OGFRL1: variants seen among roughly 807,000 people sequenced by gnomAD.
OGFRL1 encodes opioid growth factor receptor like 1.
OGFRL1 carries 26 observed loss-of-function variants against 32.4 expected under a neutral mutation model. The observed-to-expected ratio is 0.80, with a 90% CI of 0.59 to 1.11. The LOEUF (loss-of-function observed/expected upper bound fraction) is 1.11. OGFRL1 is among the 50% of genes most tolerant of loss of function. OGFRL1 has a pLI of 0.00. For missense variants in OGFRL1, 521 were observed against 546.4 expected, an observed-to-expected ratio of 0.95 and a Z score of 0.46; for synonymous variants, 211 against 201.2, an observed-to-expected ratio of 1.05 and a Z score of -0.41.
chr6:71,297,995 T>A (rs1007642005), intron 6 of OGFRL1, among the ~76,000 whole-genome samples: 1 of 125,334 alleles, frequency 8.0e-6, no homozygotes, highest in Non-Finnish European at 1.6e-5. Context: ...GATGTTCCCC[T>A]TCCTGTGTCC....
rs967567449 is a variant in OGFRL1 at position 71,303,949 on chromosome 6, G to A, written c.*1900G>A. The A allele has an allele frequency of 1.3e-5, 2 of 152,014 alleles. No individual in the cohort carries two copies. The highest frequency in any genetic ancestry group is 4.8e-5 in the African/African-American group (2 of 41,410). 9.4% of individuals were successfully genotyped at this position (152,014 alleles called of 1,614,324 possible). A position where few individuals can be genotyped will look rare whatever the true frequency, so the allele number is the denominator to read the frequency against. ...TAGAAAGGAATTAACTTTTTTGTTA[G>A]GCTTTTAAGAAAAGTTCTATTCATT... On this transcript the variant is annotated 3_prime_UTR_variant, in exon 7 of 7. Transcript: ENST00000370435.
In OGFRL1 at chr6:71,306,237, A is replaced by C. The variant is rs1766547635; in HGVS notation, c.*4188A>C. ...GAAAAATGGCCTGGGTCAATGTAGG[A>C]TCTAGAAAATTAGGAGTGTACATTT... On this transcript the variant is annotated 3_prime_UTR_variant, in exon 7 of 7. Transcript: ENST00000370435. 1 of 152,164 alleles carries C rather than the reference A, an allele frequency of 6.6e-6. No individual in the cohort carries two copies. The highest frequency in any genetic ancestry group is 6.5e-5 in the Admixed American group (1 of 15,270). 9.4% of individuals were successfully genotyped at this position (152,164 alleles called of 1,614,324 possible).
chr6:71,296,646 G>T (rs748392367), intron 5 of OGFRL1, 26 bp from the exon 6 acceptor site: 3 of 1,608,646 alleles, frequency 1.9e-6, no homozygotes, highest in Non-Finnish European at 2.5e-6. Flanking sequence ...ATCATTTCAG[G>T]TGACTTTTTT....
chr6:71,291,797 T>A (rs1032608241), intron 1 of OGFRL1: 4 of 152,234 alleles, frequency 2.6e-5, no homozygotes, highest in African/African-American at 9.6e-5. Context: ...AGCGTTCAGA[T>A]TGCTAGTCTT....
chr6:71,301,650 G>A lies in OGFRL1; in HGVS notation c.957G>A (p.Gln319=), dbSNP rs764730106. 2 of 1,614,090 alleles carry A rather than the reference G, an allele frequency of 1.2e-6. No homozygotes were observed. Among genetic ancestry groups the A allele is most frequent in the Non-Finnish European group, 1.7e-6 (2 of 1,180,016 alleles). ...NFIWGPPRKE[Q]SEGSKAQKMS... is the part of the protein sequence containing the mutation. Reference sequence around the variant, plus strand: ...TCTGGGGACCGCCTCGAAAAGAACAGTCGGAGGGAAGCAAAGCCCAGAAAA... The same window carrying A: ...TCTGGGGACCGCCTCGAAAAGAACAATCGGAGGGAAGCAAAGCCCAGAAAA... Residue 319 remains glutamine (Q), a synonymous_variant, in exon 7 of 7, where the codon CAG becomes CAA. Transcript: ENST00000370435.
chr6:71,301,266 A>T (rs1766375460), intron 6 of OGFRL1, 120 bp from the exon 7 acceptor site: 1 of 846,490 alleles, frequency 1.2e-6, no homozygotes, highest in Non-Finnish European at 1.9e-6. Context: ...TTAGGAAGTC[A>T]TTACACAGCA....
intron 1 of OGFRL1, 56 bp downstream of exon 1, chr6:71,289,226 G>C: frequency 9.6e-7 from 1 of 1,039,296 alleles, no homozygotes; most frequent in Non-Finnish European, 1.2e-6. Flanking sequence ...CACCCCAGAG[G>C]GGCAAGTGCC....
Position 71,301,455 on chromosome 6 carries a change from T to C in OGFRL1, c.762T>C (p.Phe254=), listed in dbSNP as rs1766384824. The change falls in exon 7 of 7, where the codon TTT becomes TTC. Residue 254 remains phenylalanine (F), a synonymous_variant. Coordinates refer to ENST00000370435, the MANE Select transcript of OGFRL1 (RefSeq NM_024576.5). ...TTGGTGAGCTTGGATATGAAAGTTT[T>C]AAATCTCCTCTTGTAAAATTTATTC... is the stretch of plus-strand genomic sequence containing the variant. ...KSLGELGYES[F]KSPLVKFILH... is the part of the protein sequence containing the mutation. 6.2e-7 allele frequency: 1 copy of C among 1,611,694 alleles called. No homozygotes were observed. Among genetic ancestry groups the C allele is most frequent in the Non-Finnish European group, 8.5e-7 (1 of 1,179,422 alleles).
chr6:71,296,890 G>A (rs1016828694), intron 6 of OGFRL1, 73 bp downstream of exon 6: 15 of 1,516,794 alleles, frequency 9.9e-6, no homozygotes, highest in Admixed American at 6.6e-5. Context: ...TCTATGAAAC[G>A]CAGGAACAAC....
At position 71,306,614 on chromosome 6, in the gene OGFRL1, T is replaced by C. The variant is rs1319206329; in HGVS notation, c.*4565T>C. 6.6e-6 allele frequency: 1 copy of C among 152,186 alleles called. No homozygotes were observed. The highest frequency in any genetic ancestry group is 1.5e-5 in the Non-Finnish European group (1 of 68,036). The allele number at this position is 152,186 out of a possible 1,614,324, so 9.4% of individuals were successfully genotyped here. On this transcript the variant is annotated 3_prime_UTR_variant, in exon 7 of 7. Transcript: ENST00000370435. ...TGAAATTTAGGTGGTGCTTTATCAT[T>C]TTGGAGAAGTTGCTGTTTGGGACAA...
chr6:71,296,668 T>G lies in OGFRL1; in HGVS notation c.547-4T>G. On this transcript the variant is annotated splice_region_variant and splice_polypyrimidine_tract_variant and intron_variant, in intron 5 of 6. Transcript: ENST00000370435. ...CAGGTGACTTTTTTCATTTTTTATA[T>G]TAGGAATTCAAAAAAACAAAAGAAG... 1 of 1,609,322 alleles carries G rather than the reference T, an allele frequency of 6.2e-7. No individual in the cohort carries two copies.
rs755989224 is a variant in OGFRL1 at position 71,301,689 on chromosome 6, C to T, written c.996C>T (p.Leu332=). 56 of 1,613,840 alleles carry T rather than the reference C, an allele frequency of 3.5e-5. No homozygotes were observed. Among genetic ancestry groups the T allele is most frequent in the Middle Eastern group, 1.6e-4 (1 of 6,082 alleles). The change falls in exon 7 of 7, where the codon CTC becomes CTT. Residue 332 remains leucine, a synonymous_variant. Coordinates refer to ENST00000370435, the MANE Select transcript of OGFRL1 (RefSeq NM_024576.5). ...GSKAQKMSSP[L]ASSHNSQTSM... is the part of the protein sequence containing the mutation. ...AAGCCCAGAAAATGTCTTCCCCTCT[C>T]GCCTCCAGTCATAACAGTCAAACTT...
chr6:71,308,140 T>A lies in OGFRL1; in HGVS notation c.*6091T>A, dbSNP rs1213370264. 1 of 152,238 alleles carries A rather than the reference T, an allele frequency of 6.6e-6. No homozygotes were observed. The highest frequency in any genetic ancestry group is 1.5e-5 in the Non-Finnish European group (1 of 68,044). 9.4% of individuals were successfully genotyped at this position (152,238 alleles called of 1,614,324 possible). A position where few individuals can be genotyped will look rare whatever the true frequency, so the allele number is the denominator to read the frequency against. Reference sequence around the variant, plus strand: ...GATCAGCTACCAAGTTTAATTCCTTTGCCTGTGTGTAGCAACAGTTGGTAG... The same window carrying A: ...GATCAGCTACCAAGTTTAATTCCTTAGCCTGTGTGTAGCAACAGTTGGTAG... On this transcript the variant is annotated 3_prime_UTR_variant, in exon 7 of 7. Coordinates refer to ENST00000370435, the MANE Select transcript of OGFRL1 (RefSeq NM_024576.5).
chr6:71,291,883 T>A (rs1470691671), intron 1 of OGFRL1: 1 of 152,216 alleles, frequency 6.6e-6, no homozygotes, highest in Non-Finnish European at 1.5e-5. Context: ...TGACTGAGAT[T>A]GATTCAGACC....
At chr6:71,297,886 T>C (rs1359659694) in intron 6 of OGFRL1, among the ~76,000 whole-genome samples, 6 of 151,888 alleles carry the variant, frequency 4.0e-5, no homozygotes, top group Non-Finnish European at 7.4e-5. Context: ...ACGTGCCATG[T>C]TGGTGTGCTG....
rs912356251 is a variant in OGFRL1 at position 71,307,731 on chromosome 6, G to A, written c.*5682G>A. ...ACTAGAAAAATTAGATATATAATAA[G>A]TTTTGGTACTAAGAAACATTTACAT... On this transcript the variant is annotated 3_prime_UTR_variant, in exon 7 of 7. Transcript: ENST00000370435. 6.6e-6 allele frequency: 1 copy of A among 152,076 alleles called. No homozygotes were observed. Among genetic ancestry groups the A allele is most frequent in the Non-Finnish European group, 1.5e-5 (1 of 68,018 alleles). 9.4% of individuals were successfully genotyped at this position (152,076 alleles called of 1,614,324 possible).
At position 71,301,866 on chromosome 6, in the gene OGFRL1, A is replaced by G. The variant is rs1034656476; in HGVS notation, c.1173A>G (p.Pro391=). The G allele has an allele frequency of 1.2e-6, 2 of 1,613,130 alleles. No individual in the cohort carries two copies. Among genetic ancestry groups the G allele is most frequent in the Non-Finnish European group, 1.7e-6 (2 of 1,179,766 alleles). Residue 391 remains proline (P), a synonymous_variant, in exon 7 of 7, where the codon CCA becomes CCG. Transcript: ENST00000370435. ...SPEPSNEAAK[P]RNTEKDSNAE... Reference sequence around the variant, plus strand: ...AGCCCAGCAATGAAGCTGCCAAGCCAAGAAATACAGAGAAGGACAGTAATG... The same window carrying G: ...AGCCCAGCAATGAAGCTGCCAAGCCGAGAAATACAGAGAAGGACAGTAATG...
intron 1 of OGFRL1, among the ~76,000 whole-genome samples, chr6:71,292,754 G>A (rs1381370576): frequency 6.6e-6 from 1 of 152,076 alleles, no homozygotes; most frequent in African/African-American, 2.4e-5. Context: ...ACTTGTCATG[G>A]TATTATAAAG....
In OGFRL1 at chr6:71,288,920, C is replaced by T; in HGVS notation, c.-17C>T. The T allele has an allele frequency of 1.5e-6, 2 of 1,321,898 alleles. No homozygotes were observed. Among genetic ancestry groups the T allele is most frequent in the Non-Finnish European group, 2.0e-6 (2 of 1,018,844 alleles). The allele number at this position is 1,321,898 out of a possible 1,614,324, so 81.9% of individuals were successfully genotyped here. On this transcript the variant is annotated 5_prime_UTR_variant, in exon 1 of 7. Transcript: ENST00000370435. Reference sequence around the variant, plus strand: ...GCCCCGCAGCCCCGCAGCCCCGCGCCCGCCGCCGCCTCTTCAATGGGCAAC... The same window carrying T: ...GCCCCGCAGCCCCGCAGCCCCGCGCTCGCCGCCGCCTCTTCAATGGGCAAC...
Sources: allele counts gnomAD v4.1 joint callset (sites outside exome capture counted in the v4.1 genomes callset), GRCh38; gene constraint gnomAD v4.1.1; transcripts MANE v1.5; gene names NCBI Gene and HGNC (gene_info 2026-07-23, HGNC 2026-07-21).